Variants in KCNIP4 observed in about 807,000 individuals in gnomAD.
KCNIP4 encodes Kv channel-interacting protein 4.
KCNIP4 carries 12 observed loss-of-function variants against 34.0 expected under a neutral mutation model. That is an observed-to-expected ratio of 0.35 (90% CI 0.23 to 0.57). The LOEUF is 0.57. KCNIP4 is among the 20% of genes least tolerant of loss of function. The pLI, the probability that KCNIP4 is intolerant of heterozygous loss-of-function variation, is 0.83. For synonymous variants in KCNIP4, 124 were observed against 102.2 expected, an observed-to-expected ratio of 1.21 and a Z score of -1.29; for missense variants, 238 against 311.7, an observed-to-expected ratio of 0.76 and a Z score of 1.78.
At chr4:21,810,573 C>A (rs752462900) in intron 1 of KCNIP4, among the ~76,000 whole-genome samples, 2 of 152,068 alleles carry the variant, frequency 1.3e-5, no homozygotes, top group East Asian at 3.9e-4. Flanking sequence ...ACCTGTAATC[C>A]CAGCTACTCA....
intron 1 of KCNIP4, among the ~76,000 whole-genome samples, chr4:21,745,569 C>A (rs146657333): frequency 2.6e-5 from 4 of 152,060 alleles, no homozygotes; most frequent in African/African-American, 9.7e-5. Context: ...TCTGTACTCT[C>A]AAACTTGGAA....
In KCNIP4 at chr4:21,138,436, T is replaced by C. The variant is rs1751680967; in HGVS notation, c.62-255727A>G. On this transcript the variant is annotated intron_variant, in intron 1 of 8. Coordinates refer to ENST00000382152, the MANE Select transcript of KCNIP4 (RefSeq NM_025221.6). Reference sequence around the variant, plus strand: ...CAGAGCATGCCATCATTCTTGTTCCTTCTACAAATCACTTACTAATCCTAA... The same window carrying C: ...CAGAGCATGCCATCATTCTTGTTCCCTCTACAAATCACTTACTAATCCTAA... Among the ~76,000 whole-genome samples, 3 of 152,212 alleles carry C rather than the reference T, an allele frequency of 2.0e-5. No individual in the cohort carries two copies. The South Asian group carries it at 6.2e-4, about 32-fold the overall frequency.
chr4:20,835,171 G>C (rs553401185), intron 3 of KCNIP4, among the ~76,000 whole-genome samples: 3 of 152,084 alleles, frequency 2.0e-5, no homozygotes, highest in Non-Finnish European at 4.4e-5. Context: ...TATTGTCTTT[G>C]GGTTTATGTG....
chr4:20,834,593 C>T (rs28451845), intron 3 of KCNIP4, among the ~76,000 whole-genome samples: 2,372 of 152,162 alleles, frequency 0.016, 66 homozygotes, highest in African/African-American at 0.055. Context: ...CCAGGAGAGG[C>T]CAAAAGCTCT....
At chr4:21,256,686 C>T (rs540085143) in intron 1 of KCNIP4, among the ~76,000 whole-genome samples, 32 of 152,138 alleles carry the variant, frequency 2.1e-4, no homozygotes, top group African/African-American at 6.5e-4. Flanking sequence ...AATTTTAATG[C>T]GAAGGAAAGC....
At chr4:20,802,764 A>C (rs1714493682) in intron 3 of KCNIP4, among the ~76,000 whole-genome samples, 1 of 152,220 alleles carries the variant, frequency 6.6e-6, no homozygotes, top group African/African-American at 2.4e-5. Flanking sequence ...TGAAGAATAA[A>C]TCAAAAGAGA....
At chr4:21,192,747 A>T (rs1755741061) in intron 1 of KCNIP4, among the ~76,000 whole-genome samples, 3 of 152,014 alleles carry the variant, frequency 2.0e-5, no homozygotes, top group African/African-American at 7.3e-5. Flanking sequence ...GAAATAAAAA[A>T]ATTCTTTATT....
intron 1 of KCNIP4, among the ~76,000 whole-genome samples, chr4:21,266,163 T>C (rs1427940975): frequency 6.6e-6 from 1 of 152,220 alleles, no homozygotes; most frequent in Non-Finnish European, 1.5e-5. Context: ...CCCACACTGA[T>C]AACATCTGTG....
intron 1 of KCNIP4, among the ~76,000 whole-genome samples, chr4:21,737,071 G>A (rs1223951363): frequency 6.6e-6 from 1 of 152,158 alleles, no homozygotes; most frequent in Non-Finnish European, 1.5e-5. Context: ...CCTTTCACTT[G>A]AGGGACAGAA....
intron 1 of KCNIP4, among the ~76,000 whole-genome samples, chr4:20,892,166 A>G (rs1560547381): frequency 6.6e-6 from 1 of 152,180 alleles, no homozygotes; most frequent in Admixed American, 6.5e-5. Context: ...GCAGAAAATG[A>G]CCTTCCTAAT....
Position 20,934,017 on chromosome 4 carries a change from A to G in KCNIP4, c.62-51308T>C, listed in dbSNP as rs547412449. Among the ~76,000 whole-genome samples, 3 of 152,334 alleles carry G rather than the reference A, an allele frequency of 2.0e-5. No homozygotes were observed. In the South Asian group the frequency reaches 6.2e-4, roughly 32 times the overall value. ...TTGGTAAAGTTATGTCACCTCAAGG[A>G]TCAGAAGCAGGTACTTTATTCAAGT... On this transcript the variant is annotated intron_variant, in intron 1 of 8. Coordinates refer to ENST00000382152, the MANE Select transcript of KCNIP4 (RefSeq NM_025221.6).
intron 1 of KCNIP4, among the ~76,000 whole-genome samples, chr4:21,560,074 C>T (rs551534552): frequency 6.6e-6 from 1 of 152,072 alleles, no homozygotes; most frequent in South Asian, 2.1e-4. Flanking sequence ...CTGTATATAG[C>T]CATTTGTTTT....
At chr4:21,689,213 G>A (rs1751053130) in intron 1 of KCNIP4, among the ~76,000 whole-genome samples, 1 of 152,122 alleles carries the variant, frequency 6.6e-6, no homozygotes, top group African/African-American at 2.4e-5. Flanking sequence ...AAAAATCACA[G>A]TCATTTATAT....
At chr4:21,637,783 C>CAAAACAA (rs1746316711) in intron 1 of KCNIP4, among the ~76,000 whole-genome samples, 1 of 109,474 alleles carries the variant, frequency 9.1e-6, no homozygotes, top group Non-Finnish European at 1.8e-5. Context: ...AAGTCCGTCT[C>CAAAACAA]AAAAAAAAAA....
At chr4:21,299,684 G>A (rs1015958821) in intron 1 of KCNIP4, among the ~76,000 whole-genome samples, 6 of 152,090 alleles carry the variant, frequency 3.9e-5, no homozygotes, top group African/African-American at 1.2e-4. Flanking sequence ...ATGGAAATCA[G>A]CCCCTCCTAG....
rs189532242 is a variant in KCNIP4 at position 21,606,525 on chromosome 4, C to T, written c.61+342046G>A. On this transcript the variant is annotated intron_variant, in intron 1 of 8. Transcript: ENST00000382152. ...GACTGAAATCAAGGTGTCAGCAGGG[C>T]TGTGTTGCTTTCCCAGTGCTCTAGG... is the stretch of plus-strand genomic sequence containing the variant. Among the ~76,000 whole-genome samples the T allele has an allele frequency of 2.6e-3, 395 of 152,236 alleles. 3 individuals carry two copies. Among genetic ancestry groups the T allele is most frequent in the African/African-American group, 9.1e-3 (378 of 41,562 alleles).
At chr4:20,758,011 A>G (rs1754626064) in intron 4 of KCNIP4, among the ~76,000 whole-genome samples, 1 of 152,160 alleles carries the variant, frequency 6.6e-6, no homozygotes. Flanking sequence ...TCCATCTGCT[A>G]CACTAGGTAT....
At chr4:20,983,588 C>T (rs1736299201) in intron 1 of KCNIP4, among the ~76,000 whole-genome samples, 1 of 152,142 alleles carries the variant, frequency 6.6e-6, no homozygotes, top group East Asian at 1.9e-4. Context: ...ATACTAAACC[C>T]AAGTAGATTT....
intron 5 of KCNIP4, among the ~76,000 whole-genome samples, chr4:20,736,360 G>T (rs947579998): frequency 5.3e-5 from 8 of 151,688 alleles, no homozygotes; most frequent in African/African-American, 1.9e-4. Context: ...TTATTTCTAG[G>T]TATTTTAATA....
Sources: allele counts gnomAD v4.1 joint callset (sites outside exome capture counted in the v4.1 genomes callset), GRCh38; gene constraint gnomAD v4.1.1; transcripts MANE v1.5; gene names NCBI Gene and HGNC (gene_info 2026-07-23, HGNC 2026-07-21).